Variants in AGBL4 observed in about 807,000 individuals in gnomAD.
The protein encoded by AGBL4 is cytosolic carboxypeptidase 6.
A neutral mutation model predicts 66.4 loss-of-function variants in AGBL4; 58 were observed. The ratio of observed to expected loss-of-function variants is 0.87; its 90% confidence interval spans 0.71 to 1.09. The LOEUF is 1.09. AGBL4 is among the 50% of genes least tolerant of loss of function. AGBL4 has a pLI of 0.00. For synonymous variants in AGBL4, 234 were observed against 222.9 expected, an observed-to-expected ratio of 1.05 and a Z score of -0.44; for missense variants, 579 against 631.0, an observed-to-expected ratio of 0.92 and a Z score of 0.88.
chr1:49,640,890 A>G (rs1645767503), intron 3 of AGBL4, among the ~76,000 whole-genome samples: 1 of 152,116 alleles, frequency 6.6e-6, no homozygotes, highest in African/African-American at 2.4e-5. Flanking sequence ...AAGCTCTTTT[A>G]CATGCACTGT....
intron 2 of AGBL4, among the ~76,000 whole-genome samples, chr1:49,723,346 GC>G (rs1330929142): frequency 6.6e-6 from 1 of 151,972 alleles, no homozygotes; most frequent in Non-Finnish European, 1.5e-5. Flanking sequence ...TCTAACGCCA[GC>G]AAGCCTCCCA....
At chr1:49,029,718 G>C (rs1479693415) in intron 5 of AGBL4, among the ~76,000 whole-genome samples, 2 of 152,144 alleles carry the variant, frequency 1.3e-5, no homozygotes, top group East Asian at 3.9e-4. Flanking sequence ...ACCATGTATA[G>C]CCAAAACAAT....
chr1:48,889,095 C>T (rs949276166), intron 5 of AGBL4, among the ~76,000 whole-genome samples: 5 of 152,188 alleles, frequency 3.3e-5, no homozygotes, highest in Admixed American at 3.3e-4. Context: ...TGTGAGCTGT[C>T]AACCTTAGGC....
chr1:49,786,879 A>G (rs551182204), intron 2 of AGBL4, among the ~76,000 whole-genome samples: 2 of 152,286 alleles, frequency 1.3e-5, no homozygotes, highest in South Asian at 2.1e-4. Context: ...TACTTTCTAC[A>G]TTACTGCAGT....
intron 1 of AGBL4, among the ~76,000 whole-genome samples, chr1:49,874,440 A>C (rs1471740706): frequency 6.6e-6 from 1 of 152,166 alleles, no homozygotes; most frequent in Non-Finnish European, 1.5e-5. Context: ...TCCAGAATTC[A>C]TTAAATTGTA....
chr1:49,906,116 CTGTGTGTG>C (rs59711282), intron 1 of AGBL4, among the ~76,000 whole-genome samples: 130 of 147,388 alleles, frequency 8.8e-4, no homozygotes, highest in Non-Finnish European at 1.4e-3. Flanking sequence ...AAACAGGACT[CTGTGTGTG>C]TGTGTGTGTG....
chr1:49,857,547 A>AT (rs1219085564), intron 1 of AGBL4, among the ~76,000 whole-genome samples: 1 of 152,156 alleles, frequency 6.6e-6, no homozygotes, highest in Admixed American at 6.5e-5. Flanking sequence ...ATGGAAGAGA[A>AT]TAAAAAACCA....
chr1:48,984,513 G>A (rs565041038), intron 5 of AGBL4, among the ~76,000 whole-genome samples: 1 of 146,068 alleles, frequency 6.8e-6, no homozygotes, highest in Admixed American at 6.8e-5. Context: ...ATTTCTTCTT[G>A]GACACTCACA....
At chr1:48,602,313 AG>A (rs1645084935) in intron 9 of AGBL4, among the ~76,000 whole-genome samples, 1 of 152,174 alleles carries the variant, frequency 6.6e-6, no homozygotes, top group African/African-American at 2.4e-5. Context: ...TTCCCCACTT[AG>A]AGGACGGATT....
intron 6 of AGBL4, chr1:48,761,264 A>C (rs1644242554): frequency 6.9e-7 from 1 of 1,440,894 alleles, no homozygotes; most frequent in Admixed American, 2.5e-5. Flanking sequence ...AGGAAGCCAG[A>C]CTGAAACTCT....
intron 4 of AGBL4, among the ~76,000 whole-genome samples, chr1:49,088,355 C>G (rs1299121562): frequency 6.6e-6 from 1 of 152,090 alleles, no homozygotes; most frequent in Non-Finnish European, 1.5e-5. Flanking sequence ...AAACCTATCT[C>G]ATATGCAATA....
At chr1:48,671,513 T>C (rs547140225) in intron 6 of AGBL4, among the ~76,000 whole-genome samples, 2 of 152,362 alleles carry the variant, frequency 1.3e-5, no homozygotes, top group Admixed American at 6.5e-5. Context: ...CAGGTACGTA[T>C]GTGACTTTGA....
chr1:49,912,334 T>A (rs781059085), intron 1 of AGBL4, among the ~76,000 whole-genome samples: 2 of 152,194 alleles, frequency 1.3e-5, no homozygotes, highest in African/African-American at 4.8e-5. Flanking sequence ...TGGGGAGCTA[T>A]CCCATCTGTG....
At chr1:49,842,568 C>T (rs1029570322) in intron 2 of AGBL4, among the ~76,000 whole-genome samples, 20 of 152,258 alleles carry the variant, frequency 1.3e-4, no homozygotes, top group Non-Finnish European at 2.5e-4. Flanking sequence ...CTGTGAGTGA[C>T]GACACCAAGT....
intron 11 of AGBL4, among the ~76,000 whole-genome samples, chr1:48,573,464 A>T (rs1314906778): frequency 6.6e-6 from 1 of 152,218 alleles, no homozygotes. Context: ...TGCTGTTTCT[A>T]GCAGAGCATC....
chr1:49,975,523 CCTAT>C (rs757642141), intron 1 of AGBL4, among the ~76,000 whole-genome samples: 6 of 152,102 alleles, frequency 3.9e-5, no homozygotes, highest in Non-Finnish European at 7.4e-5. Context: ...AAAGGTTCTA[CCTAT>C]CTAAAATTTT....
intron 11 of AGBL4, among the ~76,000 whole-genome samples, chr1:48,557,116 C>A (rs1644332733): frequency 6.6e-6 from 1 of 152,054 alleles, no homozygotes; most frequent in South Asian, 2.1e-4. Flanking sequence ...CACCAGGTTA[C>A]CAAGTTCTGT....
intron 1 of AGBL4, among the ~76,000 whole-genome samples, chr1:49,957,761 T>A (rs1482661054): frequency 6.6e-6 from 1 of 152,198 alleles, no homozygotes; most frequent in Middle Eastern, 3.4e-3. Flanking sequence ...TGTCCTGCAC[T>A]TGAGATGGGT....
At chr1:49,043,706 A>T (rs1644005463) in intron 5 of AGBL4, among the ~76,000 whole-genome samples, 1 of 152,226 alleles carries the variant, frequency 6.6e-6, no homozygotes, top group African/African-American at 2.4e-5. Flanking sequence ...ATGGGAAGAT[A>T]CCATGAGAAG....
Sources: gnomAD v4.1 joint callset for allele counts (sites outside exome capture counted in the v4.1 genomes callset) on GRCh38, gnomAD v4.1.1 for gene constraint, MANE v1.5 for transcripts, NCBI Gene and HGNC (gene_info 2026-07-23, HGNC 2026-07-21) for gene names.